The following PTGER3 variants were observed in gnomAD, a reference collection of about 807,000 sequenced individuals.
PTGER3 encodes prostaglandin E2 receptor EP3 subtype.
In PTGER3, 22 loss-of-function variants were observed where a neutral mutation model predicts 34.7. The observed-to-expected ratio is 0.63, with a 90% confidence interval of 0.45 to 0.91. The LOEUF is 0.91. PTGER3 is among the 40% of genes least tolerant of loss of function. The probability of loss-of-function intolerance (pLI) is 0.00; values close to 1 mark genes in which losing one functional copy is unlikely to be tolerated. For missense variants in PTGER3, 468 were observed against 519.4 expected (o/e 0.90, Z 0.96); for synonymous variants, 241 against 230.1 (o/e 1.05, Z -0.43).
chr1:70,928,753 G>C (rs1471556195), intron 4 of PTGER3, among the ~76,000 whole-genome samples: 2 of 152,006 alleles, frequency 1.3e-5, no homozygotes, highest in African/African-American at 4.8e-5. Flanking sequence ...TGTTTGACTT[G>C]CTACAATTAG....
intron 4 of PTGER3, among the ~76,000 whole-genome samples, chr1:70,926,080 T>C (rs1648053352): frequency 6.6e-6 from 1 of 152,182 alleles, no homozygotes. Context: ...AAAATATTGT[T>C]ATCAACATTG....
chr1:70,938,187 C>T (rs1649416531), intron 4 of PTGER3, among the ~76,000 whole-genome samples: 1 of 152,034 alleles, frequency 6.6e-6, no homozygotes, highest in African/African-American at 2.4e-5. Flanking sequence ...AATAGAAAAT[C>T]AGAACTTAGA....
chr1:71,023,528 T>C (rs555061892), intron 1 of PTGER3, among the ~76,000 whole-genome samples: 13 of 152,056 alleles, frequency 8.5e-5, no homozygotes, highest in Non-Finnish European at 1.8e-4. Context: ...GGCCATACCT[T>C]TTCTCTGAGC....
chr1:71,024,645 C>CTTTTTTTTT (rs35271200), intron 1 of PTGER3, among the ~76,000 whole-genome samples: 75 of 117,074 alleles, frequency 6.4e-4, no homozygotes, highest in East Asian at 1.1e-3. Flanking sequence ...CCTTTTCTTT[C>CTTTTTTTTT]TTTTTTTTTT....
intron 4 of PTGER3, chr1:70,884,133 C>A: frequency 2.9e-6 from 1 of 346,002 alleles, no homozygotes; most frequent in Non-Finnish European, 5.6e-6. Context: ...ATTATATCAT[C>A]CTCAGTAATT....
intron 1 of PTGER3, among the ~76,000 whole-genome samples, chr1:71,016,362 T>C (rs1325512896): frequency 6.6e-6 from 1 of 152,146 alleles, no homozygotes; most frequent in African/African-American, 2.4e-5. Context: ...TATATATAAG[T>C]ATTAAGTGAA....
chr1:70,952,326 C>A (rs1650841530), downstream of PTGER3: 3 of 785,596 alleles, frequency 3.8e-6, no homozygotes, highest in Non-Finnish European at 4.6e-6. Context: ...ATGAACCCTG[C>A]CTTCCTTAAA....
At chr1:70,874,348 C>T (rs1378501873) in intron 4 of PTGER3, among the ~76,000 whole-genome samples, 2 of 152,170 alleles carry the variant, frequency 1.3e-5, no homozygotes, top group Non-Finnish European at 2.9e-5. Context: ...GGTTGCCATG[C>T]TGTCTGTGGG....
downstream of PTGER3, among the ~76,000 whole-genome samples, chr1:70,969,748 A>G (rs1652895431): frequency 1.3e-5 from 2 of 152,166 alleles, no homozygotes; most frequent in South Asian, 4.1e-4. Context: ...GTTGGGGTTG[A>G]TTCCGTTCAT....
intron 4 of PTGER3, among the ~76,000 whole-genome samples, chr1:70,854,502 G>T (rs1412706846): frequency 1.3e-5 from 2 of 152,124 alleles, no homozygotes; most frequent in African/African-American, 4.8e-5. Context: ...CAGAGGAGGG[G>T]CCTGGTGGGA....
At chr1:70,968,731 A>G (rs1371834890), downstream of PTGER3, among the ~76,000 whole-genome samples, 2 of 151,854 alleles carry the variant, frequency 1.3e-5, no homozygotes, top group East Asian at 3.9e-4. Context: ...TCATATATAT[A>G]TATACTGATA....
chr1:70,983,277 T>C (rs1472576133), intron 2 of PTGER3, among the ~76,000 whole-genome samples: 2 of 106,200 alleles, frequency 1.9e-5, no homozygotes, highest in African/African-American at 3.5e-5. Flanking sequence ...AGTTTTTTAA[T>C]TAATCTGAAA....
At position 70,974,338 on chromosome 1, in the gene PTGER3, G is replaced by A. The variant is rs5695; in HGVS notation, c.1128C>T (p.Cys376=). The change falls in exon 3 of 4, where the codon TGC becomes TGT. Residue 376 remains cysteine (C), a synonymous_variant. Transcript: ENST00000306666. ...TCCACATCAAGGTTGAGGAACACTG[G>A]CAGGGTAAGGAGGTGGAGCTGGATG... is the stretch of plus-strand genomic sequence containing the variant. The part of the protein sequence containing the change: ...NYASSSTSLP[C]QCSSTLMWSD... The A allele has an allele frequency of 1.5e-4, 221 of 1,460,636 alleles. 5 individuals are homozygous for A. The African/African-American group carries it at 2.4e-3, about 16-fold the overall frequency. 90.5% of individuals were successfully genotyped at this position (1,460,636 alleles called of 1,614,324 possible). A position where few individuals can be genotyped will look rare whatever the true frequency, so the allele number is the denominator to read the frequency against.
intron 2 of PTGER3, among the ~76,000 whole-genome samples, chr1:70,987,812 GATAA>G (rs1490254294): frequency 6.6e-6 from 1 of 152,152 alleles, no homozygotes; most frequent in African/African-American, 2.4e-5. Context: ...TTATACATCC[GATAA>G]ATAAATCCAA....
At chr1:70,963,979 C>T (rs1024992741) in intron 2 of PTGER3, among the ~76,000 whole-genome samples, 4 of 152,202 alleles carry the variant, frequency 2.6e-5, no homozygotes, top group Admixed American at 1.3e-4. Context: ...GTTCAAAGTT[C>T]CACATATATC....
chr1:70,856,562 A>G (rs535757054), intron 4 of PTGER3, among the ~76,000 whole-genome samples: 1 of 152,302 alleles, frequency 6.6e-6, no homozygotes, highest in African/African-American at 2.4e-5. Flanking sequence ...AAAACAATCA[A>G]TTACTGAAGA....
Position 71,006,612 on chromosome 1 carries a change from C to T in PTGER3, c.1077+5693G>A, listed in dbSNP as rs1036289889. 4 of 978,296 alleles carry T rather than the reference C, an allele frequency of 4.1e-6. No homozygotes were observed. The African/African-American group carries it at 5.3e-5, about 13-fold the overall frequency. The allele number at this position is 978,296 out of a possible 1,614,324, so 60.6% of individuals were successfully genotyped here. A position where few individuals can be genotyped will look rare whatever the true frequency, so the allele number is the denominator to read the frequency against. On this transcript the variant is annotated intron_variant, in intron 2 of 3. Coordinates refer to ENST00000306666, the MANE Select transcript of PTGER3 (RefSeq NM_198719.2). ...ATCTTGAGATAATAAAACAAAGAAA[C>T]ATCATGTTGAAAATCGGAAAAGAGC...
intron 2 of PTGER3, among the ~76,000 whole-genome samples, chr1:70,984,003 C>T (rs1241888853): frequency 6.6e-6 from 1 of 152,122 alleles, no homozygotes; most frequent in Non-Finnish European, 1.5e-5. Context: ...GTACACACAA[C>T]CTTTGGGTTG....
chr1:70,888,834 A>G lies in PTGER3; in HGVS notation c.*24-35975T>C, dbSNP rs185568601. ...TTAGCCATAGATTTGTGCAAATTAG[A>G]AAAAGATGCCTGTTTCTTTGGGATT... On this transcript the variant is annotated intron_variant, in intron 4 of 4. Coordinates refer to the PTGER3 transcript ENST00000370931. Among the ~76,000 whole-genome samples the G allele has an allele frequency of 6.3e-3, 957 of 152,264 alleles. 13 individuals carry two copies. The highest frequency in any genetic ancestry group is 0.022 in the African/African-American group (920 of 41,534).
Sources: gnomAD v4.1 joint callset for allele counts (sites outside exome capture counted in the v4.1 genomes callset) on GRCh38, gnomAD v4.1.1 for gene constraint, MANE v1.5 for transcripts, NCBI Gene and HGNC (gene_info 2026-07-23, HGNC 2026-07-21) for gene names.